MID1: variants seen among roughly 807,000 people sequenced by gnomAD.
MID1 encodes the protein midline 1, also known as E3 ubiquitin-protein ligase Midline-1.
A neutral mutation model predicts 40.4 loss-of-function variants in MID1; 7 were observed. That is an observed-to-expected ratio of 0.17 (90% CI 0.10 to 0.33). MID1 has a LOEUF of 0.33. Among genes scored for constraint, MID1 ranks in the 10% least tolerant of loss-of-function variants. The pLI is 1.00. For synonymous variants in MID1, 229 were observed against 221.2 expected (o/e 1.04, Z -0.31); for missense variants, 367 against 558.5 (o/e 0.66, Z 3.46).
At chrX:10,805,567 G>A (rs1223612723) in intron 1 of MID1, among the ~76,000 whole-genome samples, 15 of 93,101 alleles carry the variant, frequency 1.6e-4, no homozygotes, top group African/African-American at 4.9e-4. Flanking sequence ...ATGATTTATA[G>A]TCCTTTGGGT....
At chrX:10,458,552 G>T (rs951982278) in intron 8 of MID1, among the ~76,000 whole-genome samples, 2 of 112,093 alleles carry the variant, frequency 1.8e-5, no homozygotes, top group East Asian at 5.6e-4. Context: ...GGTTAAGGGT[G>T]TACAGAACTC....
At chrX:10,799,709 T>G (rs2043992682) in intron 1 of MID1, among the ~76,000 whole-genome samples, 1 of 105,243 alleles carries the variant, frequency 9.5e-6, no homozygotes, top group African/African-American at 4.1e-5. Context: ...TGAAGGGATA[T>G]TAACATGCAG....
intron 5 of MID1, 93 bp downstream of exon 5, chrX:10,482,387 A>C: frequency 1.0e-6 from 1 of 966,793 alleles, no homozygotes; most frequent in South Asian, 1.9e-5. Flanking sequence ...CTTGAAAATG[A>C]AAATAAAAGC....
At chrX:10,550,103 C>A (rs1305085828) in intron 2 of MID1, among the ~76,000 whole-genome samples, 3 of 112,389 alleles carry the variant, frequency 2.7e-5, no homozygotes, top group African/African-American at 9.7e-5. Context: ...AACTTTTGAT[C>A]TATGGAAATA....
chrX:10,472,949 T>C (rs1929794689), intron 6 of MID1, among the ~76,000 whole-genome samples: 1 of 112,596 alleles, frequency 8.9e-6, no homozygotes, highest in African/African-American at 3.2e-5. Context: ...GTTGGATTTT[T>C]TGTTGCTTGC....
At chrX:10,652,818 A>G (rs1199565193) in intron 1 of MID1, among the ~76,000 whole-genome samples, 3 of 111,369 alleles carry the variant, frequency 2.7e-5, no homozygotes, top group Non-Finnish European at 5.7e-5. Context: ...GGATATCAGC[A>G]TGATTTGCAC....
intron 1 of MID1, among the ~76,000 whole-genome samples, chrX:10,721,198 TAA>T (rs929463600): frequency 4.5e-5 from 5 of 110,410 alleles, no homozygotes; most frequent in African/African-American, 1.6e-4. Context: ...TAAAGTATAA[TAA>T]AAAAAAGAAA....
chrX:10,728,906 G>C (rs2043420337), intron 1 of MID1, among the ~76,000 whole-genome samples: 1 of 111,764 alleles, frequency 8.9e-6, no homozygotes, highest in African/African-American at 3.2e-5. Flanking sequence ...AATATCACCA[G>C]CAATGAATAG....
chrX:10,465,187 TTATATATATATATA>T lies in MID1; in HGVS notation c.1285+4496_1285+4509del, dbSNP rs1170214071. ...CAGCAGAGCAAGACTGTCTGAAATTTTATATATATATATATATATATATATATACACACACACAC... is the reference window on the plus strand; with the variant it reads ...CAGCAGAGCAAGACTGTCTGAAATTTTATATATATATATACACACACACAC... On this transcript the variant is annotated intron_variant, in intron 7 of 9. Transcript: ENST00000317552. Among the ~76,000 whole-genome samples, 19 of 48,097 alleles carry T rather than the reference TTATATATATATATA, an allele frequency of 4.0e-4. 1 individual carries two copies. Among genetic ancestry groups the T allele is most frequent in the African/African-American group, 1.6e-3 (18 of 11,061 alleles). The allele number at this position is 48,097 out of a possible 115,157, so 41.8% of individuals were successfully genotyped here.
chrX:10,613,722 T>G (rs1009050547), intron 1 of MID1, among the ~76,000 whole-genome samples: 45 of 55,894 alleles, frequency 8.1e-4, no homozygotes, highest in East Asian at 1.6e-3. Flanking sequence ...TATATATATA[T>G]ATATATATAT....
At chrX:10,707,878 A>T (rs1178630773) in intron 1 of MID1, among the ~76,000 whole-genome samples, 3 of 113,047 alleles carry the variant, frequency 2.7e-5, no homozygotes, top group African/African-American at 9.6e-5. Flanking sequence ...GATTATATCA[A>T]AAAAGAAGGC....
intron 1 of MID1, among the ~76,000 whole-genome samples, chrX:10,633,437 C>T (rs372093740): frequency 9.0e-6 from 1 of 111,004 alleles, no homozygotes; most frequent in African/African-American, 3.3e-5. Flanking sequence ...TGTGTGAACT[C>T]TTGTGTATGT....
intron 1 of MID1, among the ~76,000 whole-genome samples, chrX:10,798,246 A>G (rs913279414): frequency 8.9e-6 from 1 of 111,972 alleles, no homozygotes; most frequent in Non-Finnish European, 1.9e-5. Context: ...CTAGGTTCAT[A>G]TCTTTGCTAT....
At chrX:10,739,897 A>G (rs374340509) in intron 1 of MID1, among the ~76,000 whole-genome samples, 3 of 112,368 alleles carry the variant, frequency 2.7e-5, no homozygotes, top group Middle Eastern at 4.2e-3. Context: ...TAGAACTCAG[A>G]AAAGAATTAG....
intron 1 of MID1, among the ~76,000 whole-genome samples, chrX:10,823,540 C>A (rs1053300551): frequency 3.6e-5 from 4 of 110,472 alleles, no homozygotes; most frequent in Non-Finnish European, 7.6e-5. Context: ...CATCTAACTT[C>A]AAAAAAAGTA....
upstream of MID1, among the ~76,000 whole-genome samples, chrX:10,622,082 G>A (rs150017964): frequency 7.2e-4 from 78 of 108,901 alleles, no homozygotes; most frequent in African/African-American, 2.5e-3. Context: ...TGGGGAGATT[G>A]TTAAAAATGC....
intron 1 of MID1, among the ~76,000 whole-genome samples, chrX:10,760,123 C>T (rs1838449037): frequency 1.8e-5 from 2 of 111,863 alleles, no homozygotes; most frequent in African/African-American, 6.5e-5. Context: ...ACAAATTACA[C>T]CTGTGATAGA....
At chrX:10,673,481 T>G (rs779783127) in intron 1 of MID1, among the ~76,000 whole-genome samples, 11 of 111,984 alleles carry the variant, frequency 9.8e-5, no homozygotes, top group Non-Finnish European at 3.8e-5. Context: ...TAACCTAATA[T>G]GATGTTTCTA....
chrX:10,455,159 T>A (rs1246670247), intron 8 of MID1, 82 bp from the exon 9 acceptor site: 2 of 912,215 alleles, frequency 2.2e-6, no homozygotes, highest in East Asian at 6.4e-5. Flanking sequence ...ATTTTCAAAA[T>A]CAGGTTTAAA....
Sources: gnomAD v4.1 joint callset for allele counts (sites outside exome capture counted in the v4.1 genomes callset) on GRCh38, gnomAD v4.1.1 for gene constraint, MANE v1.5 for transcripts, NCBI Gene and HGNC (gene_info 2026-07-23, HGNC 2026-07-21) for gene names.